The following STXBP5L variants were observed in gnomAD, a reference collection of about 807,000 sequenced individuals.
STXBP5L encodes the protein syntaxin binding protein 5L, also known as syntaxin-binding protein 5-like.
Under a neutral mutation model 144.5 loss-of-function variants are expected in STXBP5L, and 65 were observed. The observed-to-expected ratio is 0.45, with a 90% CI of 0.37 to 0.55. STXBP5L has a LOEUF of 0.55. Ranked by LOEUF, STXBP5L falls within the 20% of genes least tolerant of loss-of-function variation. STXBP5L has a pLI of 0.00. For synonymous variants in STXBP5L, 505 were observed against 469.6 expected, an observed-to-expected ratio of 1.08 and a Z score of -0.97; for missense variants, 1,298 against 1,405.5, an observed-to-expected ratio of 0.92 and a Z score of 1.22.
chr3:121,240,525 G>T lies in STXBP5L; in HGVS notation c.1400+18G>T, dbSNP rs750792553. The T allele has an allele frequency of 1.2e-5, 19 of 1,610,940 alleles. 1 individual carries two copies. The Middle Eastern group carries it at 2.0e-3, about 169-fold the overall frequency. The stretch of plus-strand genomic sequence containing the variant: ...ATTACTGGGTAAGTAGATGTGTTTT[G>T]TGAGTTATTAGTTCATCAACAAAAA... On this transcript the variant is annotated intron_variant, in intron 14 of 26. Transcript: ENST00000471454.
In STXBP5L at chr3:121,113,963, C is replaced by T. The variant is rs140808445; in HGVS notation, c.471-962C>T. 2.4e-3 allele frequency among the ~76,000 whole-genome samples: 372 copies of T among 152,118 alleles called. 2 individuals are homozygous for T. Among genetic ancestry groups the T allele is most frequent in the Middle Eastern group, 0.01 (3 of 294 alleles). On this transcript the variant is annotated intron_variant, in intron 5 of 26. Transcript: ENST00000471454. Reference sequence around the variant, plus strand: ...CTTGGATTACAGGCATGAGCCACCGCGCCTGGCCTTTTTATTCTTATATAA... The same window carrying T: ...CTTGGATTACAGGCATGAGCCACCGTGCCTGGCCTTTTTATTCTTATATAA...
intron 7 of STXBP5L, among the ~76,000 whole-genome samples, chr3:121,122,047 A>T (rs1296348663): frequency 2.6e-5 from 4 of 151,138 alleles, no homozygotes; most frequent in Non-Finnish European, 5.9e-5. Flanking sequence ...TTTGGTAATG[A>T]AAAATGACCA....
intron 5 of STXBP5L, among the ~76,000 whole-genome samples, chr3:121,094,132 A>T (rs2042983295): frequency 6.6e-6 from 1 of 152,118 alleles, no homozygotes; most frequent in South Asian, 2.1e-4. Context: ...CTGTGGTCTG[A>T]GAGACAGTTT....
chr3:120,984,860 G>C (rs901955860), intron 3 of STXBP5L, among the ~76,000 whole-genome samples: 1 of 151,600 alleles, frequency 6.6e-6, no homozygotes, highest in Non-Finnish European at 1.5e-5. Flanking sequence ...TTTGTTGAGA[G>C]TTTTTATTAT....
At chr3:121,146,643 C>A (rs185443028) in intron 7 of STXBP5L, among the ~76,000 whole-genome samples, 1 of 152,042 alleles carries the variant, frequency 6.6e-6, no homozygotes, top group Admixed American at 6.6e-5. Flanking sequence ...CGCAAAACTG[C>A]AAAAGGATAT....
chr3:121,365,677 T>C (rs1415938307), intron 20 of STXBP5L, among the ~76,000 whole-genome samples: 3 of 151,774 alleles, frequency 2.0e-5, no homozygotes, highest in Admixed American at 6.6e-5. Context: ...TCTTCTTACA[T>C]GTAACTAAAG....
At chr3:121,005,166 G>T (rs1320570357) in intron 3 of STXBP5L, among the ~76,000 whole-genome samples, 1 of 152,162 alleles carries the variant, frequency 6.6e-6, no homozygotes. Context: ...ATTTGGCTGT[G>T]AATCCATCTG....
chr3:121,209,713 G>C (rs541733983), intron 10 of STXBP5L, among the ~76,000 whole-genome samples: 10 of 152,166 alleles, frequency 6.6e-5, no homozygotes, highest in Admixed American at 3.3e-4. Flanking sequence ...ATAGTTTGCT[G>C]AGAATGATGG....
chr3:121,389,738 G>A (rs1160161377), intron 22 of STXBP5L, among the ~76,000 whole-genome samples: 1 of 152,200 alleles, frequency 6.6e-6, no homozygotes, highest in African/African-American at 2.4e-5. Flanking sequence ...GAATTGCACT[G>A]TGGTCTGAGA....
intron 7 of STXBP5L, among the ~76,000 whole-genome samples, chr3:121,130,288 T>C (rs189787611): frequency 1.3e-5 from 2 of 152,242 alleles, no homozygotes; most frequent in East Asian, 3.9e-4. Flanking sequence ...TCCTGGGCCC[T>C]TGTAGAGACT....
At position 121,283,502 on chromosome 3, in the gene STXBP5L, G is replaced by C. The variant is rs1435674968; in HGVS notation, c.2110+3546G>C. On this transcript the variant is annotated intron_variant, in intron 19 of 26. Coordinates refer to ENST00000471454, the MANE Select transcript of STXBP5L (RefSeq NM_001308330.2). ...GGCTTCTGCTGCTCCTAAAACAGAA[G>C]CTTATTTGATACTATGATAACTGTG... is the stretch of plus-strand genomic sequence containing the variant. Among the ~76,000 whole-genome samples, 3 of 151,886 alleles carry C rather than the reference G, an allele frequency of 2.0e-5. No homozygotes were observed. In the East Asian group the frequency reaches 5.8e-4, roughly 29 times the overall value.
At chr3:121,184,000 A>G (rs1413737356) in intron 9 of STXBP5L, among the ~76,000 whole-genome samples, 2 of 152,120 alleles carry the variant, frequency 1.3e-5, no homozygotes, top group Non-Finnish European at 2.9e-5. Flanking sequence ...AACTACAAGC[A>G]GAAAGGAATA....
chr3:121,123,120 G>C (rs2044545062), intron 7 of STXBP5L, among the ~76,000 whole-genome samples: 2 of 151,502 alleles, frequency 1.3e-5, no homozygotes, highest in African/African-American at 4.8e-5. Context: ...AGTCTCACTA[G>C]TAATTAGGGA....
chr3:120,954,411 T>G (rs1331610661), intron 2 of STXBP5L, among the ~76,000 whole-genome samples: 1 of 152,146 alleles, frequency 6.6e-6, no homozygotes, highest in Non-Finnish European at 1.5e-5. Context: ...CTGTTCTGAT[T>G]TTATAAACTT....
intron 5 of STXBP5L, among the ~76,000 whole-genome samples, chr3:121,075,490 G>T (rs1477850681): frequency 6.6e-6 from 1 of 152,134 alleles, no homozygotes; most frequent in Non-Finnish European, 1.5e-5. Flanking sequence ...GTAGCCACCT[G>T]TATAAGCTTG....
At chr3:121,035,004 T>G (rs1263540953) in intron 3 of STXBP5L, among the ~76,000 whole-genome samples, 2 of 152,128 alleles carry the variant, frequency 1.3e-5, no homozygotes, top group African/African-American at 2.4e-5. Flanking sequence ...TGTTGGCAAT[T>G]TGTAGGTCTT....
At chr3:121,316,631 A>T (rs534919431) in intron 19 of STXBP5L, among the ~76,000 whole-genome samples, 2 of 152,336 alleles carry the variant, frequency 1.3e-5, no homozygotes, top group Admixed American at 1.3e-4. Context: ...TAAAGTATTT[A>T]GCGGAGGATT....
At chr3:121,207,621 C>T (rs202004282) in intron 10 of STXBP5L, among the ~76,000 whole-genome samples, 3 of 151,558 alleles carry the variant, frequency 2.0e-5, no homozygotes, top group Non-Finnish European at 4.4e-5. Context: ...ACAATGAACT[C>T]AAACAAATTT....
chr3:121,113,594 T>C (rs1165852621), intron 5 of STXBP5L, among the ~76,000 whole-genome samples: 2 of 152,082 alleles, frequency 1.3e-5, no homozygotes, highest in East Asian at 1.9e-4. Context: ...AGAAACAGAC[T>C]GTTGAAAACT....
Sources: allele counts gnomAD v4.1 joint callset (sites outside exome capture counted in the v4.1 genomes callset), GRCh38; gene constraint gnomAD v4.1.1; transcripts MANE v1.5; gene names NCBI Gene and HGNC (gene_info 2026-07-23, HGNC 2026-07-21).